EPC2: variants seen among roughly 807,000 people sequenced by gnomAD.
EPC2 encodes enhancer of polycomb homolog 2.
A neutral mutation model predicts 92.1 loss-of-function variants in EPC2; 14 were observed. The ratio of observed to expected loss-of-function variants is 0.15; its 90% CI spans 0.10 to 0.24. EPC2 has a LOEUF of 0.24. EPC2 is among the 10% of genes least tolerant of loss of function. The pLI, the probability that EPC2 is intolerant of heterozygous loss-of-function variation, is 1.00. For missense variants in EPC2, 755 were observed against 971.5 expected, an observed-to-expected ratio of 0.78 and a Z score of 2.96; for synonymous variants, 340 against 334.7, an observed-to-expected ratio of 1.02 and a Z score of -0.17.
chr2:148,649,491 C>G (rs532230847), intron 1 of EPC2, among the ~76,000 whole-genome samples: 1 of 152,208 alleles, frequency 6.6e-6, no homozygotes, highest in South Asian at 2.1e-4. Flanking sequence ...ATTTAAGATT[C>G]ATCCTTGTTG....
At chr2:148,725,461 G>A (rs1245477079) in intron 2 of EPC2, among the ~76,000 whole-genome samples, 1 of 151,848 alleles carries the variant, frequency 6.6e-6, no homozygotes, top group Non-Finnish European at 1.5e-5. Flanking sequence ...CTTTACTTCT[G>A]AGTACTTCAA....
At chr2:148,737,292 G>A (rs931773139) in intron 2 of EPC2, among the ~76,000 whole-genome samples, 1 of 151,678 alleles carries the variant, frequency 6.6e-6, no homozygotes, top group Non-Finnish European at 1.5e-5. Flanking sequence ...TTTTCAACAC[G>A]TTATTTCATT....
At chr2:148,722,565 C>A (rs2105391920) in intron 2 of EPC2, among the ~76,000 whole-genome samples, 1 of 152,294 alleles carries the variant, frequency 6.6e-6, no homozygotes, top group African/African-American at 2.4e-5. Flanking sequence ...AATGCTCATG[C>A]ACTGCGGGTA....
At chr2:148,743,591 T>C (rs751837293) in intron 2 of EPC2, 31 bp from the exon 3 acceptor site, 1 of 1,489,612 alleles carries the variant, frequency 6.7e-7, no homozygotes, top group East Asian at 2.4e-5. Flanking sequence ...TAATTTCTCC[T>C]GAGTTTGAAG....
At chr2:148,680,041 A>T (rs1043095539) in intron 1 of EPC2, among the ~76,000 whole-genome samples, 1 of 151,856 alleles carries the variant, frequency 6.6e-6, no homozygotes, top group African/African-American at 2.4e-5. Context: ...CTGCCCTATT[A>T]AGAAAAACAT....
chr2:148,739,136 C>G (rs1682824949), intron 2 of EPC2, among the ~76,000 whole-genome samples: 1 of 152,204 alleles, frequency 6.6e-6, no homozygotes. Flanking sequence ...TGAAAAGAAG[C>G]TGAAAGTGTG....
intron 1 of EPC2, among the ~76,000 whole-genome samples, chr2:148,671,612 C>A (rs1190673431): frequency 2.0e-5 from 3 of 151,716 alleles, no homozygotes; most frequent in African/African-American, 7.3e-5. Context: ...AGACCCCATC[C>A]CCCCAAAAAA....
chr2:148,645,524 A>G (rs1683780146), intron 1 of EPC2: 1 of 241,560 alleles, frequency 4.1e-6, no homozygotes, highest in Admixed American at 5.6e-5. Flanking sequence ...CGCGGGGCTA[A>G]TTAATGGCGT....
intron 2 of EPC2, among the ~76,000 whole-genome samples, chr2:148,739,406 C>T (rs897402165): frequency 9.9e-5 from 15 of 151,984 alleles, no homozygotes; most frequent in East Asian, 1.9e-4. Flanking sequence ...TTCCTCATAC[C>T]GTTTCTTCTC....
intron 2 of EPC2, among the ~76,000 whole-genome samples, chr2:148,724,387 G>A (rs553582852): frequency 1.3e-5 from 2 of 152,050 alleles, no homozygotes; most frequent in Admixed American, 6.5e-5. Flanking sequence ...ATTTCTTTGT[G>A]GGGAACATTC....
chr2:148,731,166 G>A (rs1388262420), intron 2 of EPC2, among the ~76,000 whole-genome samples: 1 of 152,116 alleles, frequency 6.6e-6, no homozygotes, highest in Non-Finnish European at 1.5e-5. Flanking sequence ...GTCAGTGTTG[G>A]TTGTTACTGG....
chr2:148,682,420 G>A (rs1016265617), intron 1 of EPC2, among the ~76,000 whole-genome samples: 2 of 152,168 alleles, frequency 1.3e-5, no homozygotes, highest in African/African-American at 4.8e-5. Context: ...GTATTCATAA[G>A]CCTTTATCTC....
At chr2:148,681,550 T>TA (rs1442737789) in intron 1 of EPC2, among the ~76,000 whole-genome samples, 1 of 152,160 alleles carries the variant, frequency 6.6e-6, no homozygotes, top group Admixed American at 6.5e-5. Flanking sequence ...CGATCGACAA[T>TA]AAAAAACATT....
chr2:148,743,647 A>G lies in EPC2; in HGVS notation c.339A>G (p.Pro113=), dbSNP rs757905071. Residue 113 remains proline (P), a synonymous_variant, in exon 3 of 14, where the codon CCA becomes CCG. Coordinates refer to ENST00000258484, the MANE Select transcript of EPC2 (RefSeq NM_015630.4). ...IQPFNLDNEQ[P]DYDMDSEDET... ...CTTTTAATCTAGACAACGAGCAACC[A>G]GATTATGATATGGATTCAGAAGATG... is the stretch of plus-strand genomic sequence containing the variant. 80 of 1,588,342 alleles carry G rather than the reference A, an allele frequency of 5.0e-5. No individual in the cohort carries two copies. Among genetic ancestry groups the G allele is most frequent in the Non-Finnish European group, 6.7e-5 (78 of 1,171,004 alleles).
chr2:148,707,465 C>T lies in EPC2; in HGVS notation c.313+17092C>T, dbSNP rs146399516. Among the ~76,000 whole-genome samples the T allele has an allele frequency of 1.7e-3, 255 of 152,248 alleles. 1 individual carries two copies. Among genetic ancestry groups the T allele is most frequent in the African/African-American group, 5.7e-3 (238 of 41,538 alleles). The stretch of plus-strand genomic sequence containing the variant: ...AAGACAGAAGGTTAACAAGGATATC[C>T]AGAACTTGAACTCAGCTCTGCAACA... On this transcript the variant is annotated intron_variant, in intron 2 of 13. Coordinates refer to ENST00000258484, the MANE Select transcript of EPC2 (RefSeq NM_015630.4).
At chr2:148,719,391 C>T (rs567700904) in intron 2 of EPC2, among the ~76,000 whole-genome samples, 31 of 152,304 alleles carry the variant, frequency 2.0e-4, no homozygotes, top group African/African-American at 7.5e-4. Context: ...TACCTTTGAT[C>T]TTTGAGGTTG....
intron 2 of EPC2, among the ~76,000 whole-genome samples, chr2:148,733,706 G>A (rs541785182): frequency 1.3e-5 from 2 of 151,476 alleles, no homozygotes; most frequent in South Asian, 4.2e-4. Context: ...GTCCAGGCTG[G>A]TCTTGAACTC....
chr2:148,751,471 C>A (rs1286879115), intron 3 of EPC2, among the ~76,000 whole-genome samples: 4 of 152,020 alleles, frequency 2.6e-5, no homozygotes, highest in Admixed American at 2.6e-4. Flanking sequence ...TAACTGGTTT[C>A]TACTGCTTTT....
chr2:148,647,677 G>A (rs1162126736), intron 1 of EPC2, among the ~76,000 whole-genome samples: 1 of 137,248 alleles, frequency 7.3e-6, no homozygotes, highest in Non-Finnish European at 1.5e-5. Flanking sequence ...TCTGTCGCCA[G>A]GCTGGAGTGC....
Sources: allele counts gnomAD v4.1 joint callset (sites outside exome capture counted in the v4.1 genomes callset), GRCh38; gene constraint gnomAD v4.1.1; transcripts MANE v1.5; gene names NCBI Gene and HGNC (gene_info 2026-07-23, HGNC 2026-07-21).